The following PARD3 variants were observed in gnomAD, a reference collection of about 807,000 sequenced individuals.
PARD3 encodes par-3 family cell polarity regulator.
PARD3 carries 75 observed loss-of-function variants against 155.4 expected under a neutral mutation model. That is an observed-to-expected ratio of 0.48 (90% CI 0.40 to 0.58). The LOEUF is 0.58. Ranked by LOEUF, PARD3 falls within the 20% of genes least tolerant of loss-of-function variation. The pLI is 0.00. For synonymous variants in PARD3, 576 were observed against 610.5 expected (o/e 0.94, Z 0.83); for missense variants, 1,642 against 1,721.7 (o/e 0.95, Z 0.82).
intron 21 of PARD3, among the ~76,000 whole-genome samples, chr10:34,271,168 C>T (rs1230083681): frequency 6.6e-6 from 1 of 151,906 alleles, no homozygotes; most frequent in African/African-American, 2.4e-5. Flanking sequence ...CTAGCAAAAA[C>T]AATACATAAA....
chr10:34,194,324 G>A (rs1950843933), intron 22 of PARD3, among the ~76,000 whole-genome samples: 1 of 152,124 alleles, frequency 6.6e-6, no homozygotes, highest in Non-Finnish European at 1.5e-5. Context: ...GCAGTAACAG[G>A]AGGCACACCC....
At position 34,162,505 on chromosome 10, in the gene PARD3, T is replaced by C. The variant is rs927690927; in HGVS notation, c.3420-30922A>G. On this transcript the variant is annotated intron_variant, in intron 22 of 24. Coordinates refer to ENST00000374788, the MANE Select transcript of PARD3 (RefSeq NM_001184785.2). ...CCTGTGTCACATACACATGTGAGTA[T>C]GTATATACACATATTCGTGTTATTA... 7.5e-4 allele frequency among the ~76,000 whole-genome samples: 114 copies of C among 152,260 alleles called. 1 individual carries two copies. The highest frequency in any genetic ancestry group is 7.4e-3 in the Admixed American group (113 of 15,288).
At chr10:34,315,904 A>G (rs560929735) in intron 20 of PARD3, among the ~76,000 whole-genome samples, 1 of 152,306 alleles carries the variant, frequency 6.6e-6, no homozygotes, top group South Asian at 2.1e-4. Context: ...CTTTGTGTTA[A>G]TATAAGTCTA....
intron 2 of PARD3, among the ~76,000 whole-genome samples, chr10:34,524,553 CAACCACA>C (rs2082351444): frequency 6.6e-6 from 1 of 152,162 alleles, no homozygotes; most frequent in Non-Finnish European, 1.5e-5. Flanking sequence ...TTGAGTATGT[CAACCACA>C]AACCACAATG....
chr10:34,196,568 CTTTTTTTTTTTTTT>C (rs71523319), intron 22 of PARD3, among the ~76,000 whole-genome samples: 2 of 97,422 alleles, frequency 2.1e-5, no homozygotes, highest in South Asian at 3.5e-4. Flanking sequence ...GTACCCTTTT[CTTTTTTTTTTTTTT>C]TTTTTTTTTG....
intron 2 of PARD3, among the ~76,000 whole-genome samples, chr10:34,605,289 T>C (rs2090150604): frequency 7.2e-6 from 1 of 139,418 alleles, no homozygotes; most frequent in Non-Finnish European, 1.5e-5. Context: ...ACCTCCGGGG[T>C]TCACGCCATT....
intron 7 of PARD3, 48 bp from the exon 8 acceptor site, chr10:34,384,302 T>C (rs1186529083): frequency 1.3e-6 from 2 of 1,569,440 alleles, no homozygotes; most frequent in South Asian, 1.1e-5. Context: ...ATCTCCACCA[T>C]GCACACTGCC....
chr10:34,284,319 T>A, intron 20 of PARD3, 74 bp from the exon 21 acceptor site: 1 of 823,142 alleles, frequency 1.2e-6, no homozygotes, highest in Non-Finnish European at 2.0e-6. Flanking sequence ...TAATGACATA[T>A]ACCCAATGAA....
intron 22 of PARD3, among the ~76,000 whole-genome samples, chr10:34,224,464 C>T (rs1418023220): frequency 1.3e-5 from 2 of 152,246 alleles, no homozygotes; most frequent in East Asian, 1.9e-4. Flanking sequence ...GAGCTTTACA[C>T]ACTCTAAATC....
Position 34,481,721 on chromosome 10 carries a change from A to T in PARD3, c.404-11458T>A, listed in dbSNP as rs2079092840. 2.0e-5 allele frequency among the ~76,000 whole-genome samples: 3 copies of T among 152,200 alleles called. No homozygotes were observed. The South Asian group carries it at 6.2e-4, about 32-fold the overall frequency. The stretch of plus-strand genomic sequence containing the variant: ...ATATTTGATTAGCATCTAACTAGAC[A>T]TCATTATCCTAGTGATTTTCAAAAC... On this transcript the variant is annotated intron_variant, in intron 3 of 24. Coordinates refer to ENST00000374788, the MANE Select transcript of PARD3 (RefSeq NM_001184785.2).
chr10:34,792,983 C>T, intron 1 of PARD3, among the ~76,000 whole-genome samples: 1 of 152,188 alleles, frequency 6.6e-6, no homozygotes, highest in Non-Finnish European at 1.5e-5. Context: ...TTGCATCTCC[C>T]TGGGTTGTGG....
chr10:34,359,153 G>A lies in PARD3; in HGVS notation c.2061C>T (p.Cys687=). ...QLIVARRISK[C]NELKSPGSPP... ...ACTTTTTTGCATTTCTTACCTCATT[G>A]CACTTGCTTATTCTCCTTGCAACAA... The change falls in exon 14 of 25, where the codon TGC becomes TGT. Residue 687 remains cysteine, a synonymous_variant. Transcript: ENST00000374788. The A allele has an allele frequency of 6.2e-7, 1 of 1,610,860 alleles. No individual in the cohort carries two copies. The highest frequency in any genetic ancestry group is 8.5e-7 in the Non-Finnish European group (1 of 1,178,698).
chr10:34,484,501 C>T (rs2079306541), intron 3 of PARD3, among the ~76,000 whole-genome samples: 1 of 152,186 alleles, frequency 6.6e-6, no homozygotes, highest in Non-Finnish European at 1.5e-5. Context: ...CTCTCGAGTA[C>T]TCAACTAACA....
intron 2 of PARD3, among the ~76,000 whole-genome samples, chr10:34,620,074 T>G (rs895168768): frequency 6.6e-6 from 1 of 152,102 alleles, no homozygotes; most frequent in African/African-American, 2.4e-5. Flanking sequence ...GAGTTAAAAA[T>G]AAGCATAAAA....
At chr10:34,720,658 G>A (rs1301018881) in intron 1 of PARD3, among the ~76,000 whole-genome samples, 4 of 151,934 alleles carry the variant, frequency 2.6e-5, no homozygotes, top group South Asian at 2.1e-4. Context: ...TTAGCCGGGC[G>A]TGGTAGCACA....
rs1946881838 is a variant in PARD3, at chr10:34,119,739, G to A, written c.3542C>T (p.Pro1181Leu). The change falls in exon 24 of 25, where the codon CCG becomes CTG. Residue 1181 changes from proline (P) to leucine (L), a missense_variant and splice_region_variant. Pro to Leu is a moderately conservative substitution (Grantham distance 98, BLOSUM62 -3). Transcript: ENST00000374788. ...GCTCTGCGTCGCCGGCCGTGCGTTC[G>A]GCTGGAAGAGGAAAATACAAGCACA... ...RRTYSFEQPW[P>L]NARPATQSGR... 1.9e-6 allele frequency: 3 copies of A among 1,609,902 alleles called. No individual in the cohort carries two copies. Among genetic ancestry groups the A allele is most frequent in the Middle Eastern group, 1.7e-4 (1 of 6,052 alleles).
intron 22 of PARD3, among the ~76,000 whole-genome samples, chr10:34,241,231 C>T (rs1213090249): frequency 4.6e-5 from 7 of 152,158 alleles, no homozygotes; most frequent in African/African-American, 1.4e-4. Context: ...TGAGCTGAGC[C>T]TGGATAACAG....
chr10:34,637,362 G>A (rs1228970118), intron 2 of PARD3, among the ~76,000 whole-genome samples: 1 of 152,064 alleles, frequency 6.6e-6, no homozygotes, highest in Non-Finnish European at 1.5e-5. Flanking sequence ...CTTATCAAAG[G>A]CCTGCCACAT....
intron 2 of PARD3, among the ~76,000 whole-genome samples, chr10:34,657,897 A>G (rs1046627679): frequency 6.6e-6 from 1 of 151,480 alleles, no homozygotes; most frequent in Non-Finnish European, 1.5e-5. Flanking sequence ...CTATAATCCC[A>G]GCACTTTGGG....
Sources: gnomAD v4.1 joint callset for allele counts (sites outside exome capture counted in the v4.1 genomes callset) on GRCh38, gnomAD v4.1.1 for gene constraint, MANE v1.5 for transcripts, NCBI Gene and HGNC (gene_info 2026-07-23, HGNC 2026-07-21) for gene names.